OXSR1: variants seen among roughly 807,000 people sequenced by gnomAD.
OXSR1 encodes serine/threonine-protein kinase OSR1.
OXSR1 carries 24 observed loss-of-function variants against 79.8 expected under a neutral mutation model. The observed-to-expected ratio is 0.30, with a 90% CI of 0.22 to 0.42. The LOEUF is 0.42. Among genes scored for constraint, OXSR1 ranks in the 10% least tolerant of loss-of-function variants. OXSR1 has a pLI of 1.00. For synonymous variants in OXSR1, 226 were observed against 209.2 expected, an observed-to-expected ratio of 1.08 and a Z score of -0.69; for missense variants, 430 against 618.4, an observed-to-expected ratio of 0.70 and a Z score of 3.23.
chr3:38,224,322 T>A (rs1702645777), intron 7 of OXSR1, among the ~76,000 whole-genome samples: 1 of 152,218 alleles, frequency 6.6e-6, no homozygotes, highest in African/African-American at 2.4e-5. Context: ...TTGAAGAATT[T>A]TCTTGCTTTT....
In OXSR1 at chr3:38,195,363, TAA is replaced by T. The variant is rs556272496; in HGVS notation, c.293-3357_293-3356del. ...AAAATGCATGGGGACTTCCTTGATC[TAA>T]AGGAGGATCCAGGTAAAATGTCTGA... On this transcript the variant is annotated intron_variant, in intron 3 of 17. Transcript: ENST00000311806. Among the ~76,000 whole-genome samples the T allele has an allele frequency of 3.0e-4, 46 of 152,322 alleles. 1 individual carries two copies. The South Asian group carries it at 9.3e-3, about 31-fold the overall frequency.
intron 6 of OXSR1, among the ~76,000 whole-genome samples, chr3:38,222,872 G>A (rs568939113): frequency 5.3e-5 from 8 of 152,146 alleles, no homozygotes; most frequent in South Asian, 2.1e-4. Context: ...GTTTCAGGAC[G>A]TATGAGCAAT....
intron 2 of OXSR1, among the ~76,000 whole-genome samples, chr3:38,185,604 G>A (rs1701870637): frequency 6.6e-6 from 1 of 151,112 alleles, no homozygotes; most frequent in Admixed American, 6.6e-5. Context: ...AACAAGAAAC[G>A]GCACAAAACT....
upstream of OXSR1, chr3:38,164,974 C>G (rs1701404614): frequency 6.6e-6 from 1 of 152,304 alleles, no homozygotes; most frequent in Non-Finnish European, 1.5e-5. Context: ...CCCAGCCGCT[C>G]CCTCAGGGTT....
intron 3 of OXSR1, among the ~76,000 whole-genome samples, 183 bp from the exon 4 acceptor site, chr3:38,198,539 T>A (rs1702106247): frequency 6.6e-6 from 1 of 152,228 alleles, no homozygotes; most frequent in Admixed American, 6.5e-5. Context: ...ACTTTTTGTT[T>A]TAGATTGGAA....
chr3:38,196,398 G>C (rs759585542), intron 3 of OXSR1, among the ~76,000 whole-genome samples: 1 of 152,090 alleles, frequency 6.6e-6, no homozygotes, highest in African/African-American at 2.4e-5. Context: ...GATAAGAAGC[G>C]GGGGAGCTTA....
chr3:38,167,889 G>T (rs1379992310), intron 1 of OXSR1, among the ~76,000 whole-genome samples: 3 of 116,668 alleles, frequency 2.6e-5, no homozygotes, highest in South Asian at 2.3e-4. Context: ...TTTAAAAGAA[G>T]AGTTTTTTTT....
At chr3:38,235,118 A>G (rs746929826) in intron 10 of OXSR1, among the ~76,000 whole-genome samples, 7 of 152,218 alleles carry the variant, frequency 4.6e-5, no homozygotes, top group Non-Finnish European at 1.0e-4. Context: ...GCTAAAGAGT[A>G]TGGCATGTCT....
intron 10 of OXSR1, among the ~76,000 whole-genome samples, chr3:38,233,666 C>A (rs1702857494): frequency 6.6e-6 from 1 of 152,030 alleles, no homozygotes; most frequent in Non-Finnish European, 1.5e-5. Context: ...TAAATCCCAA[C>A]ACATTAGGAG....
At chr3:38,224,393 A>G (rs988403307) in intron 7 of OXSR1, among the ~76,000 whole-genome samples, 178 bp from the exon 8 acceptor site, 2 of 152,236 alleles carry the variant, frequency 1.3e-5, no homozygotes, top group African/African-American at 2.4e-5. Flanking sequence ...ACAGCAGATT[A>G]TTTACGTGAA....
chr3:38,186,773 G>A (rs904281839), intron 2 of OXSR1, among the ~76,000 whole-genome samples: 1 of 152,162 alleles, frequency 6.6e-6, no homozygotes, highest in African/African-American at 2.4e-5. Context: ...ATGAACATCT[G>A]TGTGCAAGTC....
At position 38,165,797 on chromosome 3, in the gene OXSR1, T is replaced by C. The variant is rs1291298842; in HGVS notation, c.-80T>C. The stretch of plus-strand genomic sequence containing the variant: ...GGCGCGGCGGCGGCGGCGGCGGCTG[T>C]TGGGGGTGGGGAGACGCGCGGCGAG... On this transcript the variant is annotated 5_prime_UTR_variant, in exon 1 of 18. Coordinates refer to ENST00000311806, the MANE Select transcript of OXSR1 (RefSeq NM_005109.3). 5 of 1,157,408 alleles carry C rather than the reference T, an allele frequency of 4.3e-6. No individual in the cohort carries two copies. The highest frequency in any genetic ancestry group is 5.0e-6 in the Non-Finnish European group (4 of 799,114). 71.7% of individuals were successfully genotyped at this position (1,157,408 alleles called of 1,614,324 possible).
chr3:38,252,715 G>C (rs1417981312), intron 17 of OXSR1, 102 bp from the exon 18 acceptor site: 2 of 866,870 alleles, frequency 2.3e-6, no homozygotes, highest in Admixed American at 1.9e-5. Context: ...CTAGGGACCT[G>C]TTGCCCACTG....
At chr3:38,210,824 C>T (rs961974523) in intron 4 of OXSR1, among the ~76,000 whole-genome samples, 7 of 152,142 alleles carry the variant, frequency 4.6e-5, no homozygotes, top group African/African-American at 1.7e-4. Context: ...GTTGTGAAGA[C>T]AGAAGTGACA....
intron 5 of OXSR1, among the ~76,000 whole-genome samples, chr3:38,219,674 C>CAAAA (rs1702549429): frequency 6.6e-6 from 1 of 152,086 alleles, no homozygotes; most frequent in South Asian, 2.1e-4. Context: ...TGTACTTTTT[C>CAAAA]CCCTTCATAT....
chr3:38,239,190 C>T (rs1399575514), intron 11 of OXSR1, among the ~76,000 whole-genome samples: 3 of 152,010 alleles, frequency 2.0e-5, no homozygotes, highest in Non-Finnish European at 4.4e-5. Context: ...TTTTAACATC[C>T]TTCTCTTCTA....
At chr3:38,173,202 C>T (rs1435333791) in intron 1 of OXSR1, among the ~76,000 whole-genome samples, 1 of 152,116 alleles carries the variant, frequency 6.6e-6, no homozygotes. Context: ...CAAAATAGGT[C>T]AGGATTATCT....
chr3:38,169,589 G>T (rs1447188625), intron 1 of OXSR1, among the ~76,000 whole-genome samples: 1 of 151,964 alleles, frequency 6.6e-6, no homozygotes, highest in East Asian at 1.9e-4. Flanking sequence ...ACAGGGGTGA[G>T]CCACTGCGCC....
intron 6 of OXSR1, among the ~76,000 whole-genome samples, chr3:38,222,351 G>A (rs991981981): frequency 6.6e-6 from 1 of 152,264 alleles, no homozygotes; most frequent in East Asian, 1.9e-4. Context: ...AGCAGATTGC[G>A]ATGCCCCTTG....
Sources: allele counts gnomAD v4.1 joint callset (sites outside exome capture counted in the v4.1 genomes callset), GRCh38; gene constraint gnomAD v4.1.1; transcripts MANE v1.5; gene names NCBI Gene and HGNC (gene_info 2026-07-23, HGNC 2026-07-21).